The following GRM5 variants were observed in gnomAD, a reference collection of about 807,000 sequenced individuals.
GRM5 encodes the protein metabotropic glutamate receptor 5.
Under a neutral mutation model 83.1 loss-of-function variants are expected in GRM5, and 19 were observed. The observed-to-expected ratio is 0.23, with a 90% CI of 0.16 to 0.34. The LOEUF (loss-of-function observed/expected upper bound fraction) is 0.34. GRM5 is among the 10% of genes least tolerant of loss of function. GRM5 has a pLI of 1.00. For missense variants in GRM5, 1,160 were observed against 1,588.3 expected (o/e 0.73, Z 4.58); for synonymous variants, 675 against 633.6 (o/e 1.07, Z -0.98).
At chr11:88,990,284 C>A (rs1400118264) in intron 2 of GRM5, among the ~76,000 whole-genome samples, 1 of 152,134 alleles carries the variant, frequency 6.6e-6, no homozygotes. Context: ...AATTCCTCGA[C>A]CCATACACTT....
At chr11:88,925,784 CT>C (rs1945778202) in intron 2 of GRM5, 2 of 452,076 alleles carry the variant, frequency 4.4e-6, no homozygotes, top group Non-Finnish European at 8.9e-6. Flanking sequence ...TGGTACATGC[CT>C]GTAATCCTAG....
At chr11:88,880,914 T>C (rs557803) in intron 2 of GRM5, among the ~76,000 whole-genome samples, 40,297 of 151,990 alleles carry the variant, frequency 0.27, 6,540 homozygotes, top group Non-Finnish European at 0.37. Flanking sequence ...AAAATTGCAA[T>C]ACCTATCTTA....
intron 2 of GRM5, among the ~76,000 whole-genome samples, chr11:88,920,077 CAG>C (rs754567666): frequency 3.0e-4 from 46 of 151,740 alleles, no homozygotes; most frequent in Non-Finnish European, 4.6e-4. Flanking sequence ...GAAATTGAAA[CAG>C]GGGAAAATAC....
chr11:88,638,868 T>C (rs1488438090), intron 4 of GRM5, among the ~76,000 whole-genome samples: 1 of 152,120 alleles, frequency 6.6e-6, no homozygotes, highest in African/African-American at 2.4e-5. Flanking sequence ...TTTTCTTTTT[T>C]TTCTGATCAA....
At chr11:88,762,381 A>G (rs1445873659) in intron 3 of GRM5, among the ~76,000 whole-genome samples, 1 of 151,700 alleles carries the variant, frequency 6.6e-6, no homozygotes, top group Non-Finnish European at 1.5e-5. Flanking sequence ...AAAGTACATG[A>G]ACACTTTTCA....
At chr11:88,807,387 T>C (rs541590512) in intron 3 of GRM5, among the ~76,000 whole-genome samples, 43 of 152,286 alleles carry the variant, frequency 2.8e-4, no homozygotes, top group Non-Finnish European at 4.6e-4. Flanking sequence ...AATAAAATCT[T>C]GTCACTTTAT....
In GRM5 at chr11:88,671,007, A is replaced by G. The variant is rs1940179424; in HGVS notation, c.912-17604T>C. ...CCAAAATGCATACAGAAGAATGTTC[A>G]CTGACAGAGCAGGAGCATCGCCATC... On this transcript the variant is annotated intron_variant, in intron 3 of 9. Transcript: ENST00000305447. Among the ~76,000 whole-genome samples the G allele has an allele frequency of 1.3e-5, 2 of 152,064 alleles. 1 individual carries two copies. The highest frequency in any genetic ancestry group is 1.3e-4 in the Admixed American group (2 of 15,210).
chr11:88,709,000 G>A (rs1384178795), intron 3 of GRM5, among the ~76,000 whole-genome samples: 1 of 152,132 alleles, frequency 6.6e-6, no homozygotes, highest in South Asian at 2.1e-4. Context: ...ATCAGTTCTG[G>A]TTAGCCCATT....
chr11:88,619,840 G>A (rs887709267), intron 4 of GRM5, among the ~76,000 whole-genome samples: 1 of 152,002 alleles, frequency 6.6e-6, no homozygotes, highest in Non-Finnish European at 1.5e-5. Flanking sequence ...TAAGGGAAGG[G>A]ATCCAAGTAT....
intron 2 of GRM5, among the ~76,000 whole-genome samples, chr11:88,921,679 T>C (rs1233223882): frequency 1.3e-5 from 2 of 152,140 alleles, no homozygotes; most frequent in Admixed American, 6.5e-5. Context: ...CTGAAAGCCT[T>C]GGATCTAAGA....
chr11:88,966,636 G>A (rs767263859), intron 2 of GRM5, among the ~76,000 whole-genome samples: 14 of 152,004 alleles, frequency 9.2e-5, no homozygotes, highest in Non-Finnish European at 1.8e-4. Context: ...TTGCGTTTTG[G>A]GTATGTTATA....
intron 2 of GRM5, among the ~76,000 whole-genome samples, chr11:89,009,930 A>AAAAAAAAAC (rs1316250515): frequency 3.0e-5 from 3 of 100,122 alleles, no homozygotes; most frequent in African/African-American, 9.2e-5. Flanking sequence ...AAAAAAAAAA[A>AAAAAAAAAC]CACACACAAA....
At chr11:88,950,105 ACCTCGTGATCCGCCTGCCTCAG>A (rs1938409842) in intron 2 of GRM5, among the ~76,000 whole-genome samples, 2 of 150,090 alleles carry the variant, frequency 1.3e-5, no homozygotes, top group East Asian at 3.9e-4. Flanking sequence ...CGATCTCCTG[ACCTCGTGATCCGCCTGCCTCAG>A]CCTCCCAAAG....
chr11:88,549,431 C>T (rs143357856), intron 8 of GRM5, among the ~76,000 whole-genome samples: 2 of 150,844 alleles, frequency 1.3e-5, no homozygotes, highest in African/African-American at 2.4e-5. Context: ...CAGAGCCACA[C>T]CTTGTCTCAA....
At chr11:88,941,238 T>C (rs777852881) in intron 2 of GRM5, among the ~76,000 whole-genome samples, 1 of 151,500 alleles carries the variant, frequency 6.6e-6, no homozygotes, top group Admixed American at 6.6e-5. Flanking sequence ...AATGGGGACA[T>C]GTGAAAAAGA....
chr11:88,579,131 T>C (rs950310636), intron 7 of GRM5, among the ~76,000 whole-genome samples: 2 of 152,190 alleles, frequency 1.3e-5, no homozygotes, highest in African/African-American at 4.8e-5. Flanking sequence ...TTTTAATTTT[T>C]ATGGGTACCT....
rs1389072865 is a variant in GRM5, at chr11:88,990,365, A to G, written c.661+56847T>C. Among the ~76,000 whole-genome samples, 9 of 151,162 alleles carry G rather than the reference A, an allele frequency of 6.0e-5. No homozygotes were observed. The East Asian group carries it at 1.6e-3, about 26-fold the overall frequency. Reference sequence around the variant, plus strand: ...TAACAGGATCTGAAATTGTGGCAATAATCAATAGCTTACCAACCAAAAAGA... The same window carrying G: ...TAACAGGATCTGAAATTGTGGCAATGATCAATAGCTTACCAACCAAAAAGA... On this transcript the variant is annotated intron_variant, in intron 2 of 9. Transcript: ENST00000305447.
intron 2 of GRM5, among the ~76,000 whole-genome samples, chr11:88,947,061 T>C (rs1438339702): frequency 6.6e-6 from 1 of 152,126 alleles, no homozygotes; most frequent in African/African-American, 2.4e-5. Context: ...ATTGAACATA[T>C]TGAATTTTTT....
chr11:88,689,500 C>T (rs1237422662), intron 3 of GRM5, among the ~76,000 whole-genome samples: 2 of 152,146 alleles, frequency 1.3e-5, no homozygotes, highest in African/African-American at 4.8e-5. Context: ...GAAAGCATGG[C>T]TTATTCTGGG....
Sources: gnomAD v4.1 joint callset for allele counts (sites outside exome capture counted in the v4.1 genomes callset) on GRCh38, gnomAD v4.1.1 for gene constraint, MANE v1.5 for transcripts, NCBI Gene and HGNC (gene_info 2026-07-23, HGNC 2026-07-21) for gene names.